The following RSPO2 variants were observed in gnomAD, a reference collection of about 807,000 sequenced individuals.
The protein encoded by RSPO2 is R-spondin 2.
A neutral mutation model predicts 30.9 loss-of-function variants in RSPO2; 14 were observed. The ratio of observed to expected loss-of-function variants is 0.45; its 90% CI spans 0.30 to 0.71. The LOEUF (loss-of-function observed/expected upper bound fraction) is 0.71. RSPO2 is among the 30% of genes least tolerant of loss of function. The probability of loss-of-function intolerance (pLI) is 0.08; values close to 1 mark genes in which losing one functional copy is unlikely to be tolerated. For missense variants in RSPO2, 264 were observed against 301.9 expected (o/e 0.87, Z 0.93); for synonymous variants, 107 against 96.4 (o/e 1.11, Z -0.64).
intron 2 of RSPO2, among the ~76,000 whole-genome samples, chr8:108,018,586 C>G (rs541943220): frequency 1.3e-5 from 2 of 152,278 alleles, no homozygotes; most frequent in South Asian, 4.1e-4. Context: ...CAGACATTAT[C>G]CAGGCCTAAG....
intron 5 of RSPO2, among the ~76,000 whole-genome samples, chr8:107,908,345 T>A (rs1811718162): frequency 6.6e-6 from 1 of 152,192 alleles, no homozygotes; most frequent in Non-Finnish European, 1.5e-5. Flanking sequence ...GAAGACAGGA[T>A]TCTGTGGTGT....
chr8:107,931,337 T>C (rs1389871869), intron 5 of RSPO2, among the ~76,000 whole-genome samples: 2 of 152,146 alleles, frequency 1.3e-5, no homozygotes, highest in Admixed American at 1.3e-4. Context: ...GGCTCCACGA[T>C]AGCCAAAGTC....
intron 5 of RSPO2, among the ~76,000 whole-genome samples, chr8:107,905,757 G>A (rs1344363028): frequency 7.1e-6 from 1 of 140,808 alleles, no homozygotes; most frequent in Non-Finnish European, 1.5e-5. Context: ...AGTTGTAAAT[G>A]ATGAGTAGTA....
At chr8:107,965,823 A>G (rs1431775236) in intron 3 of RSPO2, among the ~76,000 whole-genome samples, 4 of 152,238 alleles carry the variant, frequency 2.6e-5, no homozygotes, top group African/African-American at 9.6e-5. Context: ...AAAAAGCCAT[A>G]CTTGTTGTAA....
intron 5 of RSPO2, among the ~76,000 whole-genome samples, chr8:107,920,315 G>A (rs1425712808): frequency 1.2e-4 from 19 of 152,038 alleles, no homozygotes; most frequent in Admixed American, 1.3e-4. Flanking sequence ...CATTTTATTC[G>A]TGACAGGATA....
intron 5 of RSPO2, among the ~76,000 whole-genome samples, chr8:107,952,295 A>ATG (rs1813278017): frequency 2.8e-5 from 1 of 36,270 alleles, no homozygotes; most frequent in Non-Finnish European, 1.1e-4. Context: ...ACATGCACAC[A>ATG]CACACACACA....
chr8:108,036,676 T>C (rs1563573776), intron 2 of RSPO2, among the ~76,000 whole-genome samples: 1 of 152,240 alleles, frequency 6.6e-6, no homozygotes, highest in Non-Finnish European at 1.5e-5. Context: ...TGCAGAATTC[T>C]TGCTGGGGGT....
intron 2 of RSPO2, among the ~76,000 whole-genome samples, chr8:108,066,390 A>G (rs1472658024): frequency 6.6e-6 from 1 of 152,186 alleles, no homozygotes; most frequent in Non-Finnish European, 1.5e-5. Flanking sequence ...GAAGATGTCT[A>G]ATTGAATTCA....
At chr8:107,953,120 G>A (rs1328981423) in intron 5 of RSPO2, among the ~76,000 whole-genome samples, 1 of 152,176 alleles carries the variant, frequency 6.6e-6, no homozygotes, top group Non-Finnish European at 1.5e-5. Context: ...TACTTTAAGA[G>A]TCCGATAGTT....
intron 2 of RSPO2, among the ~76,000 whole-genome samples, chr8:108,038,828 G>T (rs1279565645): frequency 6.6e-6 from 1 of 151,788 alleles, no homozygotes; most frequent in African/African-American, 2.4e-5. Flanking sequence ...TAAGGCTATT[G>T]GCTACTTAAT....
intron 3 of RSPO2, chr8:107,983,218 A>T (rs185587777): frequency 8.2e-6 from 13 of 1,577,392 alleles, no homozygotes; most frequent in Non-Finnish European, 9.5e-6. Flanking sequence ...TTCTTGTCAC[A>T]AAAAGGCTGC....
At chr8:107,990,266 G>A (rs773085524) in intron 2 of RSPO2, among the ~76,000 whole-genome samples, 5 of 152,026 alleles carry the variant, frequency 3.3e-5, no homozygotes, top group South Asian at 2.1e-4. Flanking sequence ...AAACAGAAAC[G>A]TTCCAATACA....
At chr8:107,998,020 A>C (rs1815089563) in intron 2 of RSPO2, among the ~76,000 whole-genome samples, 1 of 152,224 alleles carries the variant, frequency 6.6e-6, no homozygotes, top group African/African-American at 2.4e-5. Context: ...GAAAATAATA[A>C]GACTGAACAG....
At chr8:107,934,371 CT>C (rs3039296) in intron 5 of RSPO2, among the ~76,000 whole-genome samples, 14,652 of 141,708 alleles carry the variant, frequency 0.1, 1,781 homozygotes, top group African/African-American at 0.31. Context: ...TCTCATTTCC[CT>C]TTTTTTTTTT....
rs1811389013 is a variant in RSPO2 at position 107,899,975 on chromosome 8, A to T, written c.*1100T>A. 1 of 152,174 alleles carries T rather than the reference A, an allele frequency of 6.6e-6. No homozygotes were observed. Among genetic ancestry groups the T allele is most frequent in the African/African-American group, 2.4e-5 (1 of 41,448 alleles). 9.4% of individuals were successfully genotyped at this position (152,174 alleles called of 1,614,324 possible). A position where few individuals can be genotyped will look rare whatever the true frequency, so the allele number is the denominator to read the frequency against. ...TAGTAGCTTCTTCAGTGACCCAAGA[A>T]CATTGGTAGGTGCCTTGTCATTTAA... On this transcript the variant is annotated 3_prime_UTR_variant, in exon 6 of 6. Transcript: ENST00000276659.
At chr8:107,930,887 T>A (rs1229999580) in intron 5 of RSPO2, among the ~76,000 whole-genome samples, 2 of 152,164 alleles carry the variant, frequency 1.3e-5, no homozygotes, top group African/African-American at 4.8e-5. Flanking sequence ...ATAATATGGT[T>A]CGAATCCTTA....
At chr8:108,012,159 ATAGT>A (rs992265626) in intron 2 of RSPO2, among the ~76,000 whole-genome samples, 4 of 152,226 alleles carry the variant, frequency 2.6e-5, no homozygotes, top group Non-Finnish European at 4.4e-5. Context: ...TTCCAAAAAC[ATAGT>A]TAGTGGAAAA....
intron 2 of RSPO2, among the ~76,000 whole-genome samples, chr8:108,027,819 C>G (rs898561821): frequency 6.6e-6 from 1 of 152,158 alleles, no homozygotes; most frequent in Non-Finnish European, 1.5e-5. Context: ...AGTCCCCGAG[C>G]TTCTTTCTAT....
At chr8:107,990,758 C>T (rs1814816914) in intron 2 of RSPO2, among the ~76,000 whole-genome samples, 2 of 152,046 alleles carry the variant, frequency 1.3e-5, no homozygotes, top group Admixed American at 6.5e-5. Flanking sequence ...CAATAATAAG[C>T]AAAAATAACA....
Sources: allele counts gnomAD v4.1 joint callset (sites outside exome capture counted in the v4.1 genomes callset), GRCh38; gene constraint gnomAD v4.1.1; transcripts MANE v1.5; gene names NCBI Gene and HGNC (gene_info 2026-07-23, HGNC 2026-07-21).